Variants in TUT7 observed in about 807,000 individuals in gnomAD.
TUT7 encodes terminal uridylyl transferase 7.
TUT7 carries 33 observed loss-of-function variants against 165.9 expected under a neutral mutation model. The ratio of observed to expected loss-of-function variants is 0.20; its 90% confidence interval spans 0.15 to 0.27. The LOEUF (loss-of-function observed/expected upper bound fraction) is 0.27, where lower values mean the gene tolerates loss of function less well. Among genes scored for constraint, TUT7 ranks in the 10% least tolerant of loss-of-function variants. The pLI is 1.00. For missense variants in TUT7, 1,338 were observed against 1,762.3 expected, an observed-to-expected ratio of 0.76 and a Z score of 4.31; for synonymous variants, 552 against 608.1, an observed-to-expected ratio of 0.91 and a Z score of 1.36.
chr9:86,323,302 A>G lies in TUT7; in HGVS notation c.2448T>C (p.Ser816=). 1.2e-6 allele frequency: 2 copies of G among 1,614,088 alleles called. No individual in the cohort carries two copies. Among genetic ancestry groups the G allele is most frequent in the Admixed American group, 1.7e-5 (1 of 60,002 alleles). The change falls in exon 13 of 27, where the codon AGT becomes AGC. Residue 816 remains serine, a synonymous_variant. Transcript: ENST00000375963. ...CTTCTAGTTCCTCAGTACCTTCTGT[A>G]CTTTCTCCATCAAGATCAGCCTTGT... ...LDNKADLDGE[S]TEGTEELEDS...
chr9:86,325,312 T>G (rs145263989), intron 12 of TUT7, 22 bp downstream of exon 12: 3 of 1,605,426 alleles, frequency 1.9e-6, no homozygotes, highest in Non-Finnish European at 2.6e-6. Flanking sequence ...TGGGGGGGAA[T>G]AAGATAAACA....
At chr9:86,348,252 C>T (rs1473121369) in intron 2 of TUT7, among the ~76,000 whole-genome samples, 1 of 152,204 alleles carries the variant, frequency 6.6e-6, no homozygotes, top group Non-Finnish European at 1.5e-5. Flanking sequence ...TGCAGAAATT[C>T]TGTCAGATAA....
chr9:86,340,208 C>G (rs1831213898), intron 7 of TUT7, 103 bp from the exon 8 acceptor site: 2 of 919,804 alleles, frequency 2.2e-6, no homozygotes, highest in African/African-American at 3.3e-5. Flanking sequence ...GCTGTTGAGT[C>G]TTTTGAAAGA....
rs1330397024 is a variant in TUT7, at chr9:86,344,994, A to C, written c.980T>G (p.Phe327Cys). Residue 327 changes from phenylalanine (F) to cysteine (C), a missense_variant, in exon 5 of 27, where the codon TTC becomes TGC. Physicochemically the swap from Phe to Cys is radical, Grantham distance 205. Around this residue, in one of 7 missense-constraint regions of TUT7, gnomAD observed 434 missense variants for 480.8 expected, o/e 0.90. Coordinates refer to ENST00000375963, the MANE Select transcript of TUT7 (RefSeq NM_024617.4). ...GAAAATACCTGGTAACTTGTGTTGG[A>C]ACACATTTTCCATGATACGTTTAAT... Reference protein sequence around the residue: ...LEIKRIMENVFQHKLPDCSLR... With the variant: ...LEIKRIMENVCQHKLPDCSLR... The C allele has an allele frequency of 6.2e-7, 1 of 1,612,264 alleles. No individual in the cohort carries two copies. The highest frequency in any genetic ancestry group is 1.7e-5 in the Admixed American group (1 of 59,716).
In TUT7 at chr9:86,308,587, C is replaced by T; in HGVS notation, c.3680G>A (p.Cys1227Tyr). 6.2e-7 allele frequency: 1 copy of T among 1,612,948 alleles called. No individual in the cohort carries two copies. Among genetic ancestry groups the T allele is most frequent in the Admixed American group, 1.7e-5 (1 of 59,848 alleles). Residue 1227 changes from cysteine to tyrosine, a missense_variant, in exon 22 of 27, where the codon TGT becomes TAT. Transcript: ENST00000375963. The stretch of plus-strand genomic sequence containing the variant: ...CCCAACAGATTCTGTATTTTTTCCA[C>T]ATTCTGACCAATAGGTAGGCTAGAA... ...IDELPTYWSECGKNTESVGQL... is the reference protein window; with the variant it reads ...IDELPTYWSEYGKNTESVGQL...
At chr9:86,335,697 T>C (rs1830700344) in intron 10 of TUT7, among the ~76,000 whole-genome samples, 2 of 152,186 alleles carry the variant, frequency 1.3e-5, no homozygotes, top group Admixed American at 1.3e-4. Context: ...TCTGCAGAAA[T>C]AATGTATGTA....
chr9:86,303,279 T>C, intron 24 of TUT7, 78 bp from the exon 25 acceptor site: 1 of 642,982 alleles, frequency 1.6e-6, no homozygotes, highest in South Asian at 2.4e-5. Flanking sequence ...TATTAAACAG[T>C]TATCTTACAA....
chr9:86,346,305 T>C lies in TUT7; in HGVS notation c.696A>G (p.Leu232=), dbSNP rs144051921. ...ERLKRDCIDR[L]KRRPRNYPTA... Reference sequence around the variant, plus strand: ...ATATATATAAGGATGTTACCCTTTTTAGCCTGTCAATGCAGTCTCTCTTCA... The same window carrying C: ...ATATATATAAGGATGTTACCCTTTTCAGCCTGTCAATGCAGTCTCTCTTCA... Residue 232 remains leucine, a synonymous_variant, in exon 3 of 27, where the codon CTA becomes CTG. Coordinates refer to ENST00000375963, the MANE Select transcript of TUT7 (RefSeq NM_024617.4). 1.8e-3 allele frequency: 2,885 copies of C among 1,611,956 alleles called. 2 individuals are homozygous for C. Among genetic ancestry groups the C allele is most frequent in the Non-Finnish European group, 2.0e-3 (2,331 of 1,179,264 alleles).
chr9:86,336,469 G>A (rs775101554), intron 10 of TUT7, among the ~76,000 whole-genome samples: 60 of 152,158 alleles, frequency 3.9e-4, no homozygotes, highest in Non-Finnish European at 6.3e-4. Context: ...TTTTCTAAGT[G>A]AGTTATTCTA....
At chr9:86,304,587 C>T (rs987390447) in intron 24 of TUT7, among the ~76,000 whole-genome samples, 6 of 151,470 alleles carry the variant, frequency 4.0e-5, no homozygotes, top group Non-Finnish European at 7.4e-5. Flanking sequence ...AAGGCTAGCA[C>T]AGATAACCAG....
chr9:86,300,641 T>G (rs970219255), intron 26 of TUT7, among the ~76,000 whole-genome samples: 7 of 152,208 alleles, frequency 4.6e-5, no homozygotes, highest in African/African-American at 1.7e-4. Context: ...ATGGCCAATT[T>G]GTATTTAACA....
At chr9:86,331,386 A>T (rs1004506840) in intron 10 of TUT7, among the ~76,000 whole-genome samples, 1 of 152,238 alleles carries the variant, frequency 6.6e-6, no homozygotes, top group African/African-American at 2.4e-5. Flanking sequence ...GATATGATGT[A>T]TCAGTTTATA....
At chr9:86,316,676 T>C (rs929748513) in intron 17 of TUT7, among the ~76,000 whole-genome samples, 2 of 152,222 alleles carry the variant, frequency 1.3e-5, no homozygotes, top group East Asian at 1.9e-4. Context: ...ACAATATGCA[T>C]ATAAATTATC....
chr9:86,331,383 T>G (rs1587965698), intron 10 of TUT7, among the ~76,000 whole-genome samples: 1 of 152,248 alleles, frequency 6.6e-6, no homozygotes, highest in Non-Finnish European at 1.5e-5. Flanking sequence ...GTTGATATGA[T>G]GTATCAGTTT....
intron 5 of TUT7, among the ~76,000 whole-genome samples, chr9:86,344,071 A>G (rs151123711): frequency 6.3e-4 from 96 of 152,354 alleles, no homozygotes; most frequent in African/African-American, 2.2e-3. Context: ...TATTCTTATG[A>G]AAGTATATGC....
At chr9:86,291,878 AG>A (rs1825928020) in intron 26 of TUT7, among the ~76,000 whole-genome samples, 1 of 152,234 alleles carries the variant, frequency 6.6e-6, no homozygotes, top group Admixed American at 6.5e-5. Flanking sequence ...TACATGCTCA[AG>A]GGGACTTCCA....
chr9:86,312,200 C>T (rs2131366182), intron 17 of TUT7, among the ~76,000 whole-genome samples: 1 of 151,896 alleles, frequency 6.6e-6, no homozygotes, highest in South Asian at 2.1e-4. Context: ...GCCGCCATCC[C>T]ATCTAGGAAG....
Position 86,345,703 on chromosome 9 carries a change from T to C in TUT7, c.785A>G (p.His262Arg), listed in dbSNP as rs1831694238. ...LIESIAFAHKHIKEKRHKKNI... is the reference protein window; with the variant it reads ...LIESIAFAHKRIKEKRHKKNI... ...TTTCTTGTGCCTCTTTTCCTTGATA[T>C]GCTTATGGGCAAATGCAATGGATTC... The change falls in exon 4 of 27, where the codon CAT becomes CGT. Residue 262 changes from histidine to arginine, a missense_variant. By Grantham distance (29) the His-to-Arg change is conservative. Coordinates refer to ENST00000375963, the MANE Select transcript of TUT7 (RefSeq NM_024617.4). 3 of 1,613,542 alleles carry C rather than the reference T, an allele frequency of 1.9e-6. No individual in the cohort carries two copies. The African/African-American group carries it at 4.0e-5, about 22-fold the overall frequency.
chr9:86,339,525 A>C (rs946569012), intron 8 of TUT7, among the ~76,000 whole-genome samples: 36 of 152,356 alleles, frequency 2.4e-4, no homozygotes, highest in African/African-American at 7.9e-4. Context: ...CTCAAAAAAA[A>C]AAGTTTCAAA....
Sources: allele counts gnomAD v4.1 joint callset (sites outside exome capture counted in the v4.1 genomes callset), GRCh38; gene constraint gnomAD v4.1.1; regional missense constraint gnomAD v4.1.1; transcripts MANE v1.5; gene names NCBI Gene and HGNC (gene_info 2026-07-23, HGNC 2026-07-21).